Variants in ARAP2 observed in about 807,000 individuals in gnomAD.
ARAP2 encodes the protein ArfGAP with RhoGAP domain, ankyrin repeat and PH domain 2.
Under a neutral mutation model 194.5 loss-of-function variants are expected in ARAP2, and 148 were observed. The ratio of observed to expected loss-of-function variants is 0.76; its 90% CI spans 0.67 to 0.87. The LOEUF is 0.87. ARAP2 is among the 40% of genes least tolerant of loss of function. ARAP2 has a pLI of 0.00. For missense variants in ARAP2, 2,128 were observed against 1,989.7 expected (o/e 1.07, Z -1.32); for synonymous variants, 695 against 683.5 (o/e 1.02, Z -0.26).
At chr4:36,242,167 A>T (rs1339205427) in intron 1 of ARAP2, among the ~76,000 whole-genome samples, 1 of 152,222 alleles carries the variant, frequency 6.6e-6, no homozygotes, top group Non-Finnish European at 1.5e-5. Context: ...AGCGTCTCAT[A>T]GCCTCTAATC....
chr4:36,201,147 T>G (rs1744282420), intron 6 of ARAP2, among the ~76,000 whole-genome samples: 1 of 152,128 alleles, frequency 6.6e-6, no homozygotes, highest in South Asian at 2.1e-4. Context: ...TTAACTCATT[T>G]AATCCTCCAG....
Position 36,043,860 on chromosome 4 carries a change from G to GGGA in ARAP2, n.607+2118_607+2119insTCC, listed in dbSNP as rs756103763. Among the ~76,000 whole-genome samples the GGGA allele has an allele frequency of 1.5e-4, 5 of 32,792 alleles. 1 individual carries two copies. Among genetic ancestry groups the GGGA allele is most frequent in the African/African-American group, 1.9e-4 (2 of 10,606 alleles). 21.5% of individuals were successfully genotyped at this position (32,792 alleles called of 152,430 possible). On this transcript the variant is annotated intron_variant and non_coding_transcript_variant, in intron 5 of 12. Coordinates refer to the ARAP2 transcript ENST00000503225. The stretch of plus-strand genomic sequence containing the variant: ...GGAGGGGAGGGGGGAGGGGAGGGGG[G>GGGA]AGGGGAAGGGAAGGGAAAAAGGGAA...
At chr4:36,050,416 A>T (rs1189199272) in intron 3 of ARAP2, among the ~76,000 whole-genome samples, 1 of 152,218 alleles carries the variant, frequency 6.6e-6, no homozygotes, top group African/African-American at 2.4e-5. Context: ...AGGGTATTCC[A>T]AACTAAAGCA....
intron 19 of ARAP2, among the ~76,000 whole-genome samples, chr4:36,134,016 G>C (rs147035690): frequency 6.6e-6 from 1 of 151,826 alleles, no homozygotes; most frequent in African/African-American, 2.4e-5. Flanking sequence ...TGAAAAGCAG[G>C]AGAATAGAGC....
chr4:36,078,729 T>G (rs1430321055), intron 31 of ARAP2, among the ~76,000 whole-genome samples: 1 of 152,288 alleles, frequency 6.6e-6, no homozygotes, highest in South Asian at 2.1e-4. Context: ...CATTCATTGT[T>G]TAAATTTCAA....
At chr4:36,215,805 G>C (rs1262169158) in intron 2 of ARAP2, among the ~76,000 whole-genome samples, 1 of 151,596 alleles carries the variant, frequency 6.6e-6, no homozygotes, top group Non-Finnish European at 1.5e-5. Flanking sequence ...ACCCATGATC[G>C]TGCCACTGCA....
At chr4:36,014,226 A>AAGAAAGAAAGGAAGAAAGG (rs1560263668) in intron 8 of ARAP2, among the ~76,000 whole-genome samples, 1 of 23,648 alleles carries the variant, frequency 4.2e-5, no homozygotes, top group African/African-American at 9.8e-5. Flanking sequence ...GACCCTATCG[A>AAGAAAGAAAGGAAGAAAGG]AAGAAAGAAA....
chr4:36,211,083 G>A (rs1746652352), intron 5 of ARAP2, among the ~76,000 whole-genome samples: 1 of 151,942 alleles, frequency 6.6e-6, no homozygotes, highest in Non-Finnish European at 1.5e-5. Flanking sequence ...CAATTAAGTG[G>A]CCAGCCCAAT....
intron 8 of ARAP2, among the ~76,000 whole-genome samples, chr4:36,180,116 TAC>T (rs1401706413): frequency 6.6e-6 from 1 of 151,910 alleles, no homozygotes; most frequent in Admixed American, 6.6e-5. Flanking sequence ...ATACTAAAAC[TAC>T]ACACACAAAA....
intron 27 of ARAP2, among the ~76,000 whole-genome samples, chr4:36,102,039 T>A (rs1717079259): frequency 1.3e-5 from 2 of 152,034 alleles, no homozygotes; most frequent in African/African-American, 4.8e-5. Context: ...TTTTGCTACA[T>A]CTGTTCTTTA....
intron 32 of ARAP2, among the ~76,000 whole-genome samples, chr4:36,070,722 T>C (rs1315497071): frequency 6.6e-6 from 1 of 152,244 alleles, no homozygotes; most frequent in Admixed American, 6.5e-5. Flanking sequence ...AGAAACTCTC[T>C]TAATTGGCTT....
At chr4:36,040,108 T>G (rs1008997804) in intron 5 of ARAP2, among the ~76,000 whole-genome samples, 5 of 152,176 alleles carry the variant, frequency 3.3e-5, no homozygotes, top group Non-Finnish European at 5.9e-5. Context: ...AATAATGTGT[T>G]TAGTTTAAAA....
intron 11 of ARAP2, among the ~76,000 whole-genome samples, chr4:36,164,456 T>C (rs1476680597): frequency 6.6e-6 from 1 of 152,172 alleles, no homozygotes; most frequent in African/African-American, 2.4e-5. Context: ...ATCAATAGTC[T>C]TGTGAAATGC....
chr4:36,227,353 T>C (rs1750557726), intron 2 of ARAP2, among the ~76,000 whole-genome samples: 1 of 152,194 alleles, frequency 6.6e-6, no homozygotes, highest in Admixed American at 6.5e-5. Flanking sequence ...CATGACACTA[T>C]ATTGATTTCC....
At chr4:36,079,625 T>G (rs1005422724) in intron 31 of ARAP2, among the ~76,000 whole-genome samples, 3 of 152,162 alleles carry the variant, frequency 2.0e-5, no homozygotes, top group African/African-American at 7.2e-5. Flanking sequence ...AATACGGAAC[T>G]GAGTATAAGC....
intron 30 of ARAP2, 74 bp from the exon 31 acceptor site, chr4:36,080,353 T>C (rs1729233538): frequency 1.6e-6 from 2 of 1,245,426 alleles, no homozygotes; most frequent in Admixed American, 1.9e-5. Context: ...TGCTGAGTGA[T>C]TTGGTGATCA....
chr4:36,044,511 G>A (rs936397924), intron 5 of ARAP2, among the ~76,000 whole-genome samples: 2 of 152,126 alleles, frequency 1.3e-5, no homozygotes, highest in Non-Finnish European at 2.9e-5. Context: ...TTCACTTGCT[G>A]AAACTGGACC....
chr4:36,137,197 C>T (rs1167267443), intron 19 of ARAP2, among the ~76,000 whole-genome samples: 4 of 151,792 alleles, frequency 2.6e-5, no homozygotes, highest in African/African-American at 9.7e-5. Flanking sequence ...GAAATGAAGG[C>T]ACAATATCTG....
At chr4:36,169,796 T>C (rs140182041) in intron 9 of ARAP2, among the ~76,000 whole-genome samples, 110 of 152,308 alleles carry the variant, frequency 7.2e-4, no homozygotes, top group African/African-American at 2.2e-3. Flanking sequence ...CCTCCCAAAG[T>C]GCTGGGATTG....
Sources: allele counts gnomAD v4.1 joint callset (sites outside exome capture counted in the v4.1 genomes callset), GRCh38; gene constraint gnomAD v4.1.1; transcripts MANE v1.5; gene names NCBI Gene and HGNC (gene_info 2026-07-23, HGNC 2026-07-21).